Variants in SEMA5A observed in about 807,000 individuals in gnomAD.
SEMA5A encodes the protein semaphorin 5A.
In SEMA5A, 55 loss-of-function variants were observed where a neutral mutation model predicts 135.5. The observed-to-expected ratio is 0.41, with a 90% CI of 0.33 to 0.51. SEMA5A has a LOEUF of 0.51. SEMA5A is among the 20% of genes least tolerant of loss of function. SEMA5A has a pLI of 0.37. For missense variants in SEMA5A, 1,290 were observed against 1,419.9 expected (o/e 0.91, Z 1.47); for synonymous variants, 580 against 546.5 (o/e 1.06, Z -0.85).
chr5:9,176,771 A>G (rs907078862), intron 11 of SEMA5A, among the ~76,000 whole-genome samples: 8 of 152,054 alleles, frequency 5.3e-5, no homozygotes, highest in African/African-American at 1.9e-4. Context: ...CCACTCTGCC[A>G]GCTGACCAGC....
At chr5:9,080,285 A>G (rs1334125522) in intron 16 of SEMA5A, among the ~76,000 whole-genome samples, 1 of 152,188 alleles carries the variant, frequency 6.6e-6, no homozygotes, top group Non-Finnish European at 1.5e-5. Context: ...ATTCTCAGCA[A>G]ACTAACACAA....
At chr5:9,366,390 T>A (rs1340375333) in intron 3 of SEMA5A, among the ~76,000 whole-genome samples, 1 of 150,710 alleles carries the variant, frequency 6.6e-6, no homozygotes, top group Admixed American at 6.6e-5. Context: ...CAATAAAGAA[T>A]TCTTTTTTTT....
chr5:9,231,028 AATAAT>A (rs1415688775), intron 6 of SEMA5A, among the ~76,000 whole-genome samples: 2 of 152,256 alleles, frequency 1.3e-5, no homozygotes. Context: ...ATTCATTTAA[AATAAT>A]AAATGTTTTG....
chr5:9,231,838 AT>A (rs1409396310), intron 6 of SEMA5A, among the ~76,000 whole-genome samples: 4 of 152,158 alleles, frequency 2.6e-5, no homozygotes, highest in Non-Finnish European at 5.9e-5. Context: ...ATGAATTCTG[AT>A]TTTCCAAGAA....
chr5:9,069,133 A>T (rs1303299339), intron 16 of SEMA5A, among the ~76,000 whole-genome samples: 1 of 152,220 alleles, frequency 6.6e-6, no homozygotes, highest in Admixed American at 6.5e-5. Flanking sequence ...AGATTCCCCC[A>T]AGGAAGCTTT....
At chr5:9,361,207 G>A (rs747053574) in intron 3 of SEMA5A, among the ~76,000 whole-genome samples, 22 of 151,512 alleles carry the variant, frequency 1.5e-4, no homozygotes, top group Non-Finnish European at 2.1e-4. Flanking sequence ...GCTGTGGCAC[G>A]AGAATCACTT....
intron 16 of SEMA5A, among the ~76,000 whole-genome samples, chr5:9,068,581 C>T (rs1737600054): frequency 6.6e-6 from 1 of 152,194 alleles, no homozygotes; most frequent in African/African-American, 2.4e-5. Flanking sequence ...AGAAAATAAG[C>T]TTCCTATCAT....
rs139951971 is a variant in SEMA5A, at chr5:9,046,479, G to T, written c.2894-1895C>A. Among the ~76,000 whole-genome samples, 920 of 152,286 alleles carry T rather than the reference G, an allele frequency of 6.0e-3. 9 individuals are homozygous for T. The highest frequency in any genetic ancestry group is 0.021 in the African/African-American group (876 of 41,556). On this transcript the variant is annotated intron_variant, in intron 21 of 22. Transcript: ENST00000382496. Reference sequence around the variant, plus strand: ...CCACCCTGCCAATGCGGACCCACGGGGCTCTAATACTTGGTGTCAAAGGGA... The same window carrying T: ...CCACCCTGCCAATGCGGACCCACGGTGCTCTAATACTTGGTGTCAAAGGGA...
chr5:9,184,120 TG>T (rs950105133), intron 11 of SEMA5A, among the ~76,000 whole-genome samples: 15 of 147,648 alleles, frequency 1.0e-4, no homozygotes, highest in Admixed American at 2.7e-4. Context: ...TGTGAGTGTC[TG>T]TTTTTTTTTA....
In SEMA5A at chr5:9,221,330, T is replaced by G. The variant is rs186918957; in HGVS notation, c.646+3344A>C. 0.026 allele frequency among the ~76,000 whole-genome samples: 3,441 copies of G among 134,296 alleles called. 288 individuals are homozygous for G. In the East Asian group the frequency reaches 0.28, roughly 11 times the overall value. 88.1% of individuals were successfully genotyped at this position (134,296 alleles called of 152,430 possible). A position where few individuals can be genotyped will look rare whatever the true frequency, so the allele number is the denominator to read the frequency against. On this transcript the variant is annotated intron_variant, in intron 8 of 22. Coordinates refer to ENST00000382496, the MANE Select transcript of SEMA5A (RefSeq NM_003966.3). ...TTTTTTTTTTTTTTTTGAGACGGAGTCTCGCTGTGTCACCCAGGCTGGAGT... is the reference window on the plus strand; with the variant it reads ...TTTTTTTTTTTTTTTTGAGACGGAGGCTCGCTGTGTCACCCAGGCTGGAGT...
Position 9,274,072 on chromosome 5 carries a change from G to A in SEMA5A, c.271-36182C>T, listed in dbSNP as rs531464519. The stretch of plus-strand genomic sequence containing the variant: ...ATTGGATAAAGAGTCAAGACCCATC[G>A]GTGTGCTGTATTCAGGAGACCCATC... On this transcript the variant is annotated intron_variant, in intron 5 of 22. Transcript: ENST00000382496. 1.1e-3 allele frequency among the ~76,000 whole-genome samples: 164 copies of A among 152,116 alleles called. 2 individuals carry two copies. Among genetic ancestry groups the A allele is most frequent in the African/African-American group, 3.9e-3 (161 of 41,540 alleles).
At chr5:9,506,460 T>C (rs1187048054) in intron 1 of SEMA5A, among the ~76,000 whole-genome samples, 1 of 152,168 alleles carries the variant, frequency 6.6e-6, no homozygotes. Flanking sequence ...TCTTACAAGG[T>C]TCAGTGCTTA....
chr5:9,341,674 T>TATATATATATAAGATATATAATATATA (rs975557445), intron 3 of SEMA5A, among the ~76,000 whole-genome samples: 1 of 22,870 alleles, frequency 4.4e-5, no homozygotes, highest in African/African-American at 8.2e-5. Flanking sequence ...ATAATATATA[T>TATATATATATAAGATATATAATATATA]TATATATATA....
chr5:9,058,325 G>A (rs985574081), intron 18 of SEMA5A, among the ~76,000 whole-genome samples: 2 of 152,124 alleles, frequency 1.3e-5, no homozygotes, highest in Admixed American at 1.3e-4. Flanking sequence ...GTGGCAGGCT[G>A]AGCACAGAAC....
rs139002546 is a variant in SEMA5A at position 9,119,125 on chromosome 5, G to C, written c.1798C>G (p.Pro600Ala). 1.5e-4 allele frequency: 242 copies of C among 1,613,742 alleles called. 1 individual carries two copies. The African/African-American group carries it at 3.0e-3, about 20-fold the overall frequency. The change falls in exon 15 of 23, where the codon CCC becomes GCC. Residue 600 changes from proline to alanine, a missense_variant. Transcript: ENST00000382496. ...CTGCAGGGAGACCACGAGGTCCAGG[G>C]AGTCCAGCCTCCGTTCCTGAGGGAA... ...ANCSRNGGWT[P>A]WTSWSPCSTT...
chr5:9,218,260 C>T (rs916453693), intron 8 of SEMA5A, among the ~76,000 whole-genome samples: 1 of 151,858 alleles, frequency 6.6e-6, no homozygotes, highest in Non-Finnish European at 1.5e-5. Context: ...TTTGAGCTAC[C>T]CTGTTTGTGG....
intron 16 of SEMA5A, among the ~76,000 whole-genome samples, chr5:9,085,926 C>G (rs1738658291): frequency 6.6e-6 from 1 of 152,202 alleles, no homozygotes; most frequent in South Asian, 2.1e-4. Flanking sequence ...AAACCCACCT[C>G]TTGCATCAGT....
chr5:9,177,448 G>A (rs566855859), intron 11 of SEMA5A, among the ~76,000 whole-genome samples: 1 of 152,332 alleles, frequency 6.6e-6, no homozygotes, highest in South Asian at 2.1e-4. Flanking sequence ...GGCAGGTTGT[G>A]TTCCTGACAT....
At chr5:9,354,660 C>T (rs1754365735) in intron 3 of SEMA5A, among the ~76,000 whole-genome samples, 1 of 152,102 alleles carries the variant, frequency 6.6e-6, no homozygotes, top group African/African-American at 2.4e-5. Context: ...GAAGGCTGTT[C>T]CTCTCATTGA....
Sources: allele counts gnomAD v4.1 joint callset (sites outside exome capture counted in the v4.1 genomes callset), GRCh38; gene constraint gnomAD v4.1.1; transcripts MANE v1.5; gene names NCBI Gene and HGNC (gene_info 2026-07-23, HGNC 2026-07-21).